The following TBCK variants were observed in gnomAD, a reference collection of about 807,000 sequenced individuals.
TBCK encodes TBC1 domain containing kinase, also known as TBC domain-containing protein kinase-like protein.
TBCK carries 99 observed loss-of-function variants against 113.4 expected under a neutral mutation model. That is an observed-to-expected ratio of 0.87 (90% CI 0.74 to 1.03). The LOEUF (loss-of-function observed/expected upper bound fraction) is 1.03, where lower values mean the gene tolerates loss of function less well. TBCK is among the 50% of genes least tolerant of loss of function. The probability of loss-of-function intolerance (pLI) is 0.00; values close to 1 mark genes in which losing one functional copy is unlikely to be tolerated. For synonymous variants in TBCK, 369 were observed against 370.8 expected (o/e 1.00, Z 0.05); for missense variants, 1,045 against 1,061.3 (o/e 0.98, Z 0.21).
Position 106,101,642 on chromosome 4 carries a change from T to C in TBCK, c.2412-6001A>G, listed in dbSNP as rs140498667. Among the ~76,000 whole-genome samples, 1,395 of 152,324 alleles carry C rather than the reference T, an allele frequency of 9.2e-3. 10 individuals are homozygous for C. Among genetic ancestry groups the C allele is most frequent in the South Asian group, 0.03 (143 of 4,826 alleles). Reference sequence around the variant, plus strand: ...AGCCTGAGGTTGTCTTTGGTATAGTTTTAGATACTAACTTTTTTTTAAAAA... The same window carrying C: ...AGCCTGAGGTTGTCTTTGGTATAGTCTTAGATACTAACTTTTTTTTAAAAA... On this transcript the variant is annotated intron_variant, in intron 24 of 25. Coordinates refer to ENST00000394708, the MANE Select transcript of TBCK (RefSeq NM_001163435.3).
chr4:106,076,718 C>A (rs1738239608), intron 25 of TBCK, among the ~76,000 whole-genome samples: 1 of 152,166 alleles, frequency 6.6e-6, no homozygotes, highest in South Asian at 2.1e-4. Flanking sequence ...TTTTCAATAT[C>A]TTTAAATAAA....
chr4:106,265,262 A>C (rs1762885963), intron 3 of TBCK, among the ~76,000 whole-genome samples: 1 of 151,904 alleles, frequency 6.6e-6, no homozygotes, highest in Non-Finnish European at 1.5e-5. Flanking sequence ...TTTTTTGAGG[A>C]TATAGCAGGT....
chr4:106,200,355 C>T (rs575745738), intron 20 of TBCK, among the ~76,000 whole-genome samples: 1 of 152,082 alleles, frequency 6.6e-6, no homozygotes, highest in Admixed American at 6.6e-5. Flanking sequence ...GCCTGGGTAA[C>T]ATAGGGAGAC....
At chr4:106,302,413 C>T (rs1211572297) in intron 2 of TBCK, among the ~76,000 whole-genome samples, 2 of 152,170 alleles carry the variant, frequency 1.3e-5, no homozygotes, top group South Asian at 4.1e-4. Flanking sequence ...AGGAAGAATA[C>T]TCCCCAAAGA....
intron 6 of TBCK, among the ~76,000 whole-genome samples, 154 bp from the exon 7 acceptor site, chr4:106,250,632 A>G (rs985536749): frequency 2.6e-5 from 4 of 152,084 alleles, no homozygotes; most frequent in Non-Finnish European, 5.9e-5. Context: ...CCACTAAAGA[A>G]AAATTACTGG....
intron 20 of TBCK, among the ~76,000 whole-genome samples, chr4:106,200,545 T>C (rs1754765357): frequency 6.6e-6 from 1 of 151,884 alleles, no homozygotes; most frequent in Non-Finnish European, 1.5e-5. Flanking sequence ...GTCTCAGAAA[T>C]AAATAATGAA....
At position 106,248,251 on chromosome 4, in the gene TBCK, G is replaced by A. The variant is rs767692734; in HGVS notation, c.776C>T (p.Ser259Phe). The A allele has an allele frequency of 6.3e-6, 10 of 1,593,258 alleles. No individual in the cohort carries two copies. The South Asian group carries it at 1.0e-4, about 17-fold the overall frequency. The change falls in exon 9 of 26, where the codon TCT becomes TTT. Residue 259 changes from serine (S) to phenylalanine (F), a missense_variant. Physicochemically the swap from Ser to Phe is radical, Grantham distance 155 (BLOSUM62 -2). Transcript: ENST00000394708. ...ATCTCTAAATAATATCAACCTCTTAGAAGGATGGAAGGTAAGGCACTTATT... is the reference window on the plus strand; with the variant it reads ...ATCTCTAAATAATATCAACCTCTTAAAAGGATGGAAGGTAAGGCACTTATT... ...LLNKCLTFHP[S>F]KRPTPDQLMK... is the part of the protein sequence containing the mutation.
At chr4:106,249,024 A>T in intron 7 of TBCK, 42 bp from the exon 8 acceptor site, 1 of 1,440,522 alleles carries the variant, frequency 6.9e-7, no homozygotes, top group Non-Finnish European at 9.5e-7. Flanking sequence ...CTATTTTTCT[A>T]ATCTGTCCAA....
intron 20 of TBCK, among the ~76,000 whole-genome samples, chr4:106,211,479 A>G (rs1756124540): frequency 6.6e-6 from 1 of 152,150 alleles, no homozygotes; most frequent in African/African-American, 2.4e-5. Context: ...AATGCATCAC[A>G]TGTAGGAGGC....
chr4:106,142,851 T>A (rs902897046), intron 23 of TBCK, among the ~76,000 whole-genome samples: 1 of 152,168 alleles, frequency 6.6e-6, no homozygotes, highest in Non-Finnish European at 1.5e-5. Context: ...CTCAAATCAA[T>A]ACTGAGTTAA....
In TBCK at chr4:106,232,945, A is replaced by G; in HGVS notation, c.1632T>C (p.Tyr544=). The stretch of plus-strand genomic sequence containing the variant: ...AATGACTACAAAAGTTACCTTGCCA[A>G]TACACAAGATCAGGATGAGACACTA... ...AWVVSHPDLV[Y]WQGLDSLCAP... is the part of the protein sequence containing the mutation. The change falls in exon 17 of 26, where the codon TAT becomes TAC. Residue 544 remains tyrosine, a synonymous_variant. Transcript: ENST00000394708. The G allele has an allele frequency of 3.7e-6, 6 of 1,611,274 alleles. No individual in the cohort carries two copies. Among genetic ancestry groups the G allele is most frequent in the South Asian group, 2.2e-5 (2 of 90,886 alleles).
In TBCK at chr4:106,065,073, C is replaced by T. The variant is rs535722270; in HGVS notation, c.2572-18393G>A. ...GGTATCAAAACAAATTATACATTTT[C>T]CACTAGGTAACATTTGATTAATGTC... On this transcript the variant is annotated intron_variant, in intron 25 of 25. Transcript: ENST00000394708. Among the ~76,000 whole-genome samples, 12 of 152,038 alleles carry T rather than the reference C, an allele frequency of 7.9e-5. No individual in the cohort carries two copies. The South Asian group carries it at 2.5e-3, about 32-fold the overall frequency.
chr4:106,216,494 A>G (rs1756941217), intron 19 of TBCK, among the ~76,000 whole-genome samples: 1 of 152,148 alleles, frequency 6.6e-6, no homozygotes, highest in African/African-American at 2.4e-5. Flanking sequence ...AAAAAAAGAG[A>G]GAAGAATCAA....
intron 20 of TBCK, among the ~76,000 whole-genome samples, chr4:106,211,397 CTTATA>C (rs951032200): frequency 1.5e-4 from 23 of 151,138 alleles, no homozygotes; most frequent in African/African-American, 4.6e-4. Context: ...TTTTAAATTC[CTTATA>C]TAAGTATTTT....
intron 25 of TBCK, among the ~76,000 whole-genome samples, chr4:106,090,026 G>A (rs1740025484): frequency 6.6e-6 from 1 of 152,146 alleles, no homozygotes; most frequent in Non-Finnish European, 1.5e-5. Flanking sequence ...ACTCTGCAGG[G>A]GCTCCACTCT....
chr4:106,238,470 G>C (rs1759720295), intron 12 of TBCK: 1 of 152,078 alleles, frequency 6.6e-6, no homozygotes, highest in South Asian at 2.1e-4. Flanking sequence ...TAGAGATTTA[G>C]ACCATAATGG....
intron 3 of TBCK, among the ~76,000 whole-genome samples, chr4:106,264,243 GA>G (rs5860822): frequency 0.96 from 146,285 of 151,822 alleles, 70,769 homozygotes; most frequent in Middle Eastern, 1. Flanking sequence ...ATTAAATGAA[GA>G]AAAAAAAATG....
In TBCK at chr4:106,042,983, A is replaced by C. The variant is rs1353673321; in HGVS notation, c.*3587T>G. ...TCCTTGAGACGGTCACTTCATAAAG[A>C]GGTCTTAATTAGAACTCCCACCCAT... On this transcript the variant is annotated 3_prime_UTR_variant, in exon 26 of 26. Coordinates refer to ENST00000394708, the MANE Select transcript of TBCK (RefSeq NM_001163435.3). 6.6e-6 allele frequency: 1 copy of C among 152,178 alleles called. No individual in the cohort carries two copies. The highest frequency in any genetic ancestry group is 2.4e-5 in the African/African-American group (1 of 41,450). 9.4% of individuals were successfully genotyped at this position (152,178 alleles called of 1,614,324 possible).
At position 106,280,450 on chromosome 4, in the gene TBCK, G is replaced by C. The variant is rs189330288; in HGVS notation, c.266+14644C>G. ...AACTTGATGTGATGCCATTTGTCCA[G>C]TTCTGTTTTGGTTGCCTATGCTTGT... On this transcript the variant is annotated intron_variant, in intron 3 of 25. Transcript: ENST00000394708. Among the ~76,000 whole-genome samples, 140 of 152,152 alleles carry C rather than the reference G, an allele frequency of 9.2e-4. 1 individual carries two copies. The highest frequency in any genetic ancestry group is 8.6e-3 in the Admixed American group (131 of 15,278).
Sources: allele counts gnomAD v4.1 joint callset (sites outside exome capture counted in the v4.1 genomes callset), GRCh38; gene constraint gnomAD v4.1.1; transcripts MANE v1.5; gene names NCBI Gene and HGNC (gene_info 2026-07-23, HGNC 2026-07-21).